The following ADCY2 variants were observed in gnomAD, a reference collection of about 807,000 sequenced individuals.
ADCY2 encodes adenylate cyclase 2.
Under a neutral mutation model 125.2 loss-of-function variants are expected in ADCY2, and 31 were observed. The ratio of observed to expected loss-of-function variants is 0.25; its 90% CI spans 0.19 to 0.33. The LOEUF (loss-of-function observed/expected upper bound fraction) is 0.33, where lower values mean the gene tolerates loss of function less well. ADCY2 is among the 10% of genes least tolerant of loss of function. The pLI is 1.00. For synonymous variants in ADCY2, 512 were observed against 548.4 expected (o/e 0.93, Z 0.93); for missense variants, 904 against 1,418.2 (o/e 0.64, Z 5.82).
chr5:7,667,816 C>G (rs530855871), intron 4 of ADCY2, among the ~76,000 whole-genome samples: 1 of 152,174 alleles, frequency 6.6e-6, no homozygotes, highest in South Asian at 2.1e-4. Flanking sequence ...ACGTTCTAAG[C>G]GTTGATGGTG....
At chr5:7,736,626 A>G (rs1161448003) in intron 14 of ADCY2, among the ~76,000 whole-genome samples, 1 of 152,170 alleles carries the variant, frequency 6.6e-6, no homozygotes, top group African/African-American at 2.4e-5. Context: ...TAAAATAGGA[A>G]GAGTCACATT....
At position 7,423,833 on chromosome 5, in the gene ADCY2, C is replaced by T. The variant is rs1475583278; in HGVS notation, c.408+9063C>T. 2.0e-5 allele frequency among the ~76,000 whole-genome samples: 3 copies of T among 152,158 alleles called. No individual in the cohort carries two copies. The East Asian group carries it at 5.8e-4, about 29-fold the overall frequency. On this transcript the variant is annotated intron_variant, in intron 2 of 24. Coordinates refer to ENST00000338316, the MANE Select transcript of ADCY2 (RefSeq NM_020546.3). Reference sequence around the variant, plus strand: ...CTCTCTGCTCCTCCTTTTCTCTGTACTGCTTTTCTTAAGAGGAGCATGGGC... The same window carrying T: ...CTCTCTGCTCCTCCTTTTCTCTGTATTGCTTTTCTTAAGAGGAGCATGGGC...
At chr5:7,748,519 AACACACACACACACAC>A (rs35989915) in intron 15 of ADCY2, among the ~76,000 whole-genome samples, 1 of 90,212 alleles carries the variant, frequency 1.1e-5, no homozygotes, top group African/African-American at 3.8e-5. Flanking sequence ...CCCACCCTCC[AACACACACACACACAC>A]ACACACACAC....
chr5:7,719,952 C>A (rs1233524796), intron 12 of ADCY2, among the ~76,000 whole-genome samples: 2 of 152,120 alleles, frequency 1.3e-5, no homozygotes, highest in African/African-American at 4.8e-5. Flanking sequence ...TGTGGGTGTA[C>A]CCATGCCCCT....
intron 15 of ADCY2, among the ~76,000 whole-genome samples, chr5:7,756,562 A>G (rs6885060): frequency 0.045 from 6,927 of 152,252 alleles, 539 homozygotes; most frequent in African/African-American, 0.16. Context: ...ATTATGCTGA[A>G]AGAAATAAGC....
chr5:7,407,142 A>C (rs1739518588), intron 1 of ADCY2, among the ~76,000 whole-genome samples: 1 of 152,192 alleles, frequency 6.6e-6, no homozygotes, highest in African/African-American at 2.4e-5. Flanking sequence ...GCCCATTGTC[A>C]ACGTTCAGAC....
At chr5:7,519,343 G>A (rs552203634) in intron 2 of ADCY2, among the ~76,000 whole-genome samples, 46 of 152,300 alleles carry the variant, frequency 3.0e-4, no homozygotes, top group African/African-American at 7.5e-4. Flanking sequence ...AAGCGCTGGC[G>A]TGATTGCACC....
intron 3 of ADCY2, among the ~76,000 whole-genome samples, chr5:7,581,118 G>A (rs750370221): frequency 6.6e-6 from 1 of 152,080 alleles, no homozygotes; most frequent in Non-Finnish European, 1.5e-5. Context: ...TGGATTGCCA[G>A]GAAAGAAGAA....
At chr5:7,578,032 T>C (rs1442694647) in intron 3 of ADCY2, among the ~76,000 whole-genome samples, 1 of 152,204 alleles carries the variant, frequency 6.6e-6, no homozygotes, top group Non-Finnish European at 1.5e-5. Flanking sequence ...TAGGCATCCT[T>C]AGTTCTCAGA....
intron 2 of ADCY2, among the ~76,000 whole-genome samples, chr5:7,435,566 A>G (rs991748990): frequency 6.6e-6 from 1 of 152,264 alleles, no homozygotes; most frequent in African/African-American, 2.4e-5. Context: ...TTACATGAAC[A>G]TACTTTTCCT....
At chr5:7,804,953 A>G (rs528959312) in intron 22 of ADCY2, among the ~76,000 whole-genome samples, 2 of 152,292 alleles carry the variant, frequency 1.3e-5, no homozygotes, top group Admixed American at 6.5e-5. Flanking sequence ...TACACAATGA[A>G]GTAGAAGATG....
chr5:7,481,318 G>GT (rs1323700489), intron 2 of ADCY2, among the ~76,000 whole-genome samples: 1 of 152,186 alleles, frequency 6.6e-6, no homozygotes, highest in African/African-American at 2.4e-5. Context: ...CCAGGCTGGA[G>GT]TGCAGTGGCA....
intron 3 of ADCY2, among the ~76,000 whole-genome samples, chr5:7,616,777 G>A (rs1737777321): frequency 6.6e-6 from 1 of 152,116 alleles, no homozygotes. Flanking sequence ...CTATGTTGAA[G>A]GCTAACCACC....
chr5:7,473,012 G>C (rs1742395461), intron 2 of ADCY2, among the ~76,000 whole-genome samples: 1 of 151,536 alleles, frequency 6.6e-6, no homozygotes, highest in Non-Finnish European at 1.5e-5. Flanking sequence ...TTGTTGTACT[G>C]GCCCTGCCTC....
chr5:7,774,587 C>T (rs1743657955), intron 18 of ADCY2, among the ~76,000 whole-genome samples: 3 of 152,296 alleles, frequency 2.0e-5, no homozygotes, highest in South Asian at 4.2e-4. Flanking sequence ...CTGGGGACCT[C>T]AGTGGGGCGC....
At chr5:7,672,499 A>AT (rs541904589) in intron 4 of ADCY2, among the ~76,000 whole-genome samples, 54 of 147,362 alleles carry the variant, frequency 3.7e-4, no homozygotes, top group South Asian at 1.3e-3. Flanking sequence ...TTGTTAGATG[A>AT]TTTTTTTTTT....
rs543016238 is a variant in ADCY2 at position 7,667,801 on chromosome 5, A to T, written c.721-22890A>T. Among the ~76,000 whole-genome samples, 3 of 152,332 alleles carry T rather than the reference A, an allele frequency of 2.0e-5. No individual in the cohort carries two copies. In the South Asian group the frequency reaches 6.2e-4, roughly 32 times the overall value. ...TTATTTAACCTCCCTCCCTCTATTA[A>T]GAAGACGTTCTAAGCGTTGATGGTG... On this transcript the variant is annotated intron_variant, in intron 4 of 24. Transcript: ENST00000338316.
intron 1 of ADCY2, among the ~76,000 whole-genome samples, chr5:7,400,639 A>G (rs1366658445): frequency 1.3e-5 from 2 of 152,230 alleles, no homozygotes; most frequent in Non-Finnish European, 2.9e-5. Flanking sequence ...ATCCCCTCTA[A>G]GAAGCAGGAA....
At chr5:7,545,635 T>C (rs1735124652) in intron 3 of ADCY2, among the ~76,000 whole-genome samples, 1 of 152,196 alleles carries the variant, frequency 6.6e-6, no homozygotes. Context: ...ATTTTTAAAG[T>C]GTCGACGATT....
Sources: allele counts gnomAD v4.1 joint callset (sites outside exome capture counted in the v4.1 genomes callset), GRCh38; gene constraint gnomAD v4.1.1; transcripts MANE v1.5; gene names NCBI Gene and HGNC (gene_info 2026-07-23, HGNC 2026-07-21).